ZCWPW2: variants seen among roughly 807,000 people sequenced by gnomAD.
ZCWPW2 encodes the protein zinc finger CW-type PWWP domain protein 2.
ZCWPW2 carries 45 observed loss-of-function variants against 46.6 expected under a neutral mutation model. That is an observed-to-expected ratio of 0.96 (90% CI 0.76 to 1.24). ZCWPW2 has a LOEUF of 1.24. Among genes scored for constraint, ZCWPW2 ranks in the 50% most tolerant of loss-of-function variants. The probability of loss-of-function intolerance (pLI) is 0.00; values close to 1 mark genes in which losing one functional copy is unlikely to be tolerated. For synonymous variants in ZCWPW2, 152 were observed against 137.1 expected (o/e 1.11, Z -0.76); for missense variants, 429 against 403.9 (o/e 1.06, Z -0.53).
chr3:28,457,438 C>G (rs1345638383), intron 4 of ZCWPW2, among the ~76,000 whole-genome samples: 1 of 152,078 alleles, frequency 6.6e-6, no homozygotes, highest in Non-Finnish European at 1.5e-5. Context: ...TTTTTAGGTT[C>G]AGGTCTTGAT....
chr3:28,403,012 A>T (rs1029360959), intron 2 of ZCWPW2, among the ~76,000 whole-genome samples: 1 of 152,162 alleles, frequency 6.6e-6, no homozygotes, highest in African/African-American at 2.4e-5. Flanking sequence ...CACTCTCACC[A>T]CTTCTCTTCC....
chr3:28,492,135 G>A lies in ZCWPW2; in HGVS notation c.619G>A (p.Glu207Lys), dbSNP rs200459115. The A allele has an allele frequency of 9.7e-5, 156 of 1,609,152 alleles. 2 individuals carry two copies. The South Asian group carries it at 1.3e-3, about 14-fold the overall frequency. ...CCLSKLQDKS[E>K]THDKVAALVK... is the part of the protein sequence containing the mutation. ...GTTTCATTGTCTTACAGATAAATCC[G>A]AAACACATGACAAAGTTGCTGCACT... Residue 207 changes from glutamate (E) to lysine (K), a missense_variant, in exon 6 of 10, where the codon GAA (glutamate) becomes AAA (lysine). Coordinates refer to ENST00000383768, the MANE Select transcript of ZCWPW2 (RefSeq NM_001040432.4).
intron 2 of ZCWPW2, among the ~76,000 whole-genome samples, chr3:28,407,440 T>C (rs1432222422): frequency 6.6e-6 from 1 of 152,180 alleles, no homozygotes; most frequent in Admixed American, 6.5e-5. Context: ...AATTGATGTT[T>C]AAAGTCATCC....
intron 2 of ZCWPW2, among the ~76,000 whole-genome samples, chr3:28,391,367 A>C (rs1695481813): frequency 1.1e-5 from 1 of 93,234 alleles, no homozygotes; most frequent in Admixed American, 1.1e-4. Flanking sequence ...ACACACACAC[A>C]CACACACACA....
intron 1 of ZCWPW2, among the ~76,000 whole-genome samples, chr3:28,370,754 T>G (rs943421144): frequency 1.3e-5 from 2 of 152,150 alleles, no homozygotes; most frequent in Admixed American, 6.5e-5. Flanking sequence ...GTTTTTGAGA[T>G]AGAGTTTTGC....
intron 4 of ZCWPW2, among the ~76,000 whole-genome samples, chr3:28,442,099 G>T (rs1486843764): frequency 6.6e-6 from 1 of 152,184 alleles, no homozygotes; most frequent in Admixed American, 6.5e-5. Flanking sequence ...GCCTTCTCCT[G>T]TTCTGGACCA....
At chr3:28,502,159 C>A (rs143706437) in intron 6 of ZCWPW2, among the ~76,000 whole-genome samples, 288 of 152,262 alleles carry the variant, frequency 1.9e-3, no homozygotes, top group African/African-American at 6.5e-3. Flanking sequence ...AACTTCATAA[C>A]TAACCCTGCT....
chr3:28,360,879 AT>A (rs1462413823), intron 1 of ZCWPW2, among the ~76,000 whole-genome samples: 1 of 152,188 alleles, frequency 6.6e-6, no homozygotes, highest in African/African-American at 2.4e-5. Flanking sequence ...TCAAAACAGT[AT>A]GGTACTGGCA....
chr3:28,351,210 A>G (rs1034043244), intron 1 of ZCWPW2, among the ~76,000 whole-genome samples: 2 of 150,232 alleles, frequency 1.3e-5, no homozygotes, highest in African/African-American at 2.4e-5. Flanking sequence ...CAGGCACTTT[A>G]AAAATTGTCC....
chr3:28,392,657 G>T (rs1295167299), intron 2 of ZCWPW2, among the ~76,000 whole-genome samples: 1 of 151,840 alleles, frequency 6.6e-6, no homozygotes, highest in Non-Finnish European at 1.5e-5. Flanking sequence ...ATAACAGGAA[G>T]AATATTATAA....
chr3:28,472,732 T>C (rs556955639), intron 4 of ZCWPW2, among the ~76,000 whole-genome samples: 2 of 152,010 alleles, frequency 1.3e-5, no homozygotes, highest in South Asian at 2.1e-4. Context: ...TTGGATAACA[T>C]CAAGTTAAAA....
chr3:28,439,098 C>T (rs371854136), intron 4 of ZCWPW2, among the ~76,000 whole-genome samples: 10 of 142,118 alleles, frequency 7.0e-5, no homozygotes, highest in Middle Eastern at 3.7e-3. Flanking sequence ...CACATATATA[C>T]ACACACACAC....
intron 5 of ZCWPW2, among the ~76,000 whole-genome samples, chr3:28,489,996 A>G (rs1355233523): frequency 6.6e-6 from 1 of 152,180 alleles, no homozygotes; most frequent in Non-Finnish European, 1.5e-5. Context: ...ACCCCATTAA[A>G]AAGTGGGAAA....
At chr3:28,458,302 T>G (rs1018070776) in intron 4 of ZCWPW2, among the ~76,000 whole-genome samples, 4 of 152,208 alleles carry the variant, frequency 2.6e-5, no homozygotes, top group Non-Finnish European at 4.4e-5. Context: ...AAAAGCTAAA[T>G]GAGTTATTTG....
chr3:28,447,035 C>T (rs1186255059), intron 4 of ZCWPW2, among the ~76,000 whole-genome samples: 2 of 152,054 alleles, frequency 1.3e-5, no homozygotes, highest in African/African-American at 4.8e-5. Context: ...AATCTCCCAA[C>T]AATAAAGAAT....
chr3:28,354,796 TCAA>T, intron 1 of ZCWPW2, among the ~76,000 whole-genome samples: 1 of 74,496 alleles, frequency 1.3e-5, no homozygotes, highest in South Asian at 5.1e-4. Flanking sequence ...TTGACAAAAT[TCAA>T]CAACCCTTCA....
At chr3:28,380,934 G>GTATATATATA (rs578178124) in intron 1 of ZCWPW2, among the ~76,000 whole-genome samples, 2 of 13,434 alleles carry the variant, frequency 1.5e-4, no homozygotes, top group South Asian at 5.4e-3. Flanking sequence ...TATATATTTG[G>GTATATATATA]TATATATATA....
intron 4 of ZCWPW2, among the ~76,000 whole-genome samples, chr3:28,462,692 TA>T (rs1403773074): frequency 1.2e-4 from 18 of 152,212 alleles, no homozygotes; most frequent in Admixed American, 6.5e-4. Flanking sequence ...ATTTCTCTTG[TA>T]GAGGAAAAAA....
chr3:28,484,169 G>A (rs1699518063), intron 5 of ZCWPW2, among the ~76,000 whole-genome samples: 2 of 151,420 alleles, frequency 1.3e-5, no homozygotes, highest in Admixed American at 6.6e-5. Context: ...TGTTTCCTGA[G>A]GTTTTTTTTT....
Sources: gnomAD v4.1 joint callset for allele counts (sites outside exome capture counted in the v4.1 genomes callset) on GRCh38, gnomAD v4.1.1 for gene constraint, MANE v1.5 for transcripts, NCBI Gene and HGNC (gene_info 2026-07-23, HGNC 2026-07-21) for gene names.